COL5A3: variants seen among roughly 807,000 people sequenced by gnomAD.
The protein encoded by COL5A3 is collagen type V alpha 3 chain.
In COL5A3, 172 loss-of-function variants were observed where a neutral mutation model predicts 250.0. The observed-to-expected ratio is 0.69, with a 90% confidence interval of 0.61 to 0.78. The LOEUF (loss-of-function observed/expected upper bound fraction) is 0.78. COL5A3 is among the 30% of genes least tolerant of loss of function. COL5A3 has a pLI of 0.00. For missense variants in COL5A3, 2,340 were observed against 2,334.4 expected (o/e 1.00, Z -0.05); for synonymous variants, 937 against 900.4 (o/e 1.04, Z -0.73).
intron 35 of COL5A3, 145 bp downstream of exon 35, chr19:9,980,503 A>G: frequency 8.5e-7 from 1 of 1,177,874 alleles, no homozygotes; most frequent in Non-Finnish European, 1.2e-6. Flanking sequence ...GTGGGACTAC[A>G]GGCGTGCACC....
At position 9,992,062 on chromosome 19, in the gene COL5A3, G is replaced by A. The variant is rs2087201262; in HGVS notation, c.1849-14C>T. 5.0e-6 allele frequency: 8 copies of A among 1,613,182 alleles called. No homozygotes were observed. In the African/African-American group the frequency reaches 6.7e-5, roughly 13 times the overall value. Reference sequence around the variant, plus strand: ...TCCAGTCACACCCTAGGGGAAAAGAGGATGTGAGACCAAGACAGAGCAACA... The same window carrying A: ...TCCAGTCACACCCTAGGGGAAAAGAAGATGTGAGACCAAGACAGAGCAACA... On this transcript the variant is annotated splice_polypyrimidine_tract_variant and intron_variant, in intron 21 of 66. Transcript: ENST00000264828.
intron 27 of COL5A3, among the ~76,000 whole-genome samples, chr19:9,987,485 C>A: frequency 6.6e-6 from 1 of 152,192 alleles, no homozygotes; most frequent in South Asian, 2.1e-4. Context: ...ACCTGTAATC[C>A]CAACATTTTG....
chr19:9,962,036 A>C (rs1028668736), intron 65 of COL5A3, among the ~76,000 whole-genome samples: 6 of 152,156 alleles, frequency 3.9e-5, no homozygotes. Context: ...TCAAATTGTG[A>C]TGTACTATAA....
Position 9,977,272 on chromosome 19 carries a change from C to A in COL5A3, c.3245G>T (p.Gly1082Val). 6.2e-7 allele frequency: 1 copy of A among 1,614,130 alleles called. No individual in the cohort carries two copies. Among genetic ancestry groups the A allele is most frequent in the Non-Finnish European group, 8.5e-7 (1 of 1,179,998 alleles). ...SGEEGDKGDV[G>V]APGHKGSKGD... ...TTTACTCCCCTTGTGTCCGGGGGCA[C>A]CCACATCCCCCTGCAGAGGAAATGG... Residue 1082 changes from glycine (G) to valine (V), a missense_variant, in exon 44 of 67, where the codon GGT becomes GTT. By Grantham distance (109) the Gly-to-Val change is moderately radical. Around this residue, in one of 3 missense-constraint regions of COL5A3, gnomAD observed 1,179 missense variants for 1,162.6 expected, o/e 1.01. Coordinates refer to ENST00000264828, the MANE Select transcript of COL5A3 (RefSeq NM_015719.4).
intron 53 of COL5A3, 54 bp from the exon 54 acceptor site, chr19:9,970,729 A>C: frequency 7.4e-7 from 1 of 1,355,186 alleles, no homozygotes; most frequent in Non-Finnish European, 9.6e-7. Context: ...TTTGAGCCTG[A>C]CTGTTTTAGG....
At chr19:9,998,996 CCTTT>C (rs749695549) in intron 8 of COL5A3, among the ~76,000 whole-genome samples, 25 of 148,566 alleles carry the variant, frequency 1.7e-4, no homozygotes, top group Admixed American at 6.6e-4. Context: ...TTCCTTCCTT[CCTTT>C]CTTTCTTTTC....
intron 8 of COL5A3, among the ~76,000 whole-genome samples, chr19:9,998,675 T>A (rs1055352894): frequency 6.7e-6 from 1 of 149,868 alleles, no homozygotes; most frequent in African/African-American, 2.5e-5. Context: ...TCTTTCCTTC[T>A]TCTTTTTCTT....
At chr19:10,004,177 G>A in intron 4 of COL5A3, 32 bp from the exon 5 acceptor site, 1 of 1,521,820 alleles carries the variant, frequency 6.6e-7, no homozygotes. Flanking sequence ...GTCAAGGAGG[G>A]CAGCCATACA....
At position 9,960,454 on chromosome 19, in the gene COL5A3, T is replaced by C; in HGVS notation, c.5195A>G (p.Gln1732Arg). The change falls in exon 67 of 67, where the codon CAA becomes CGA. Residue 1732 changes from glutamine (Q) to arginine (R), a missense_variant. Physicochemically the swap from Gln to Arg is conservative, Grantham distance 43. This residue lies in a region of COL5A3 where 1,179 missense variants were observed against 1,162.6 expected (regional missense o/e 1.01). Transcript: ENST00000264828. ...VAATDFGQTN[Q>R]KFGFELGPVC... The stretch of plus-strand genomic sequence containing the variant: ...GGGGCCCAGTTCAAACCCAAACTTT[T>C]GGTTCGTCTGGCCAAAGTCAGTGGC... 6.2e-7 allele frequency: 1 copy of C among 1,614,146 alleles called. No individual in the cohort carries two copies. The highest frequency in any genetic ancestry group is 8.5e-7 in the Non-Finnish European group (1 of 1,180,024).
At chr19:10,002,171 T>A (rs1599228481) in intron 6 of COL5A3, among the ~76,000 whole-genome samples, 1 of 151,852 alleles carries the variant, frequency 6.6e-6, no homozygotes, top group Admixed American at 6.6e-5. Flanking sequence ...CTAGCCCACA[T>A]GTCCTCTCCC....
At chr19:9,966,169 C>T in intron 64 of COL5A3, 145 bp downstream of exon 64, 1 of 661,574 alleles carries the variant, frequency 1.5e-6, no homozygotes, top group East Asian at 2.8e-5. Context: ...GTAGTCCCAG[C>T]TCTTGAGGCA....
intron 30 of COL5A3, 64 bp downstream of exon 30, chr19:9,986,251 G>C: frequency 8.7e-7 from 1 of 1,149,808 alleles, no homozygotes; most frequent in Non-Finnish European, 1.2e-6. Flanking sequence ...AAAGGGCAAA[G>C]GGCAGAGGGA....
At chr19:10,000,150 C>T (rs1235945482) in intron 8 of COL5A3, among the ~76,000 whole-genome samples, 3 of 152,074 alleles carry the variant, frequency 2.0e-5, no homozygotes, top group African/African-American at 7.2e-5. Flanking sequence ...GATGGTGCTT[C>T]GGAACAACAG....
intron 53 of COL5A3, 123 bp from the exon 54 acceptor site, chr19:9,970,798 C>T (rs945537712): frequency 5.8e-5 from 58 of 1,002,026 alleles, no homozygotes; most frequent in Non-Finnish European, 8.1e-5. Flanking sequence ...GGTACTCCCA[C>T]CTCCCACCTA....
chr19:9,998,007 G>A lies in COL5A3; in HGVS notation c.1177C>T (p.Pro393Ser), dbSNP rs764876408. The A allele has an allele frequency of 6.2e-7, 1 of 1,614,060 alleles. No individual in the cohort carries two copies. The highest frequency in any genetic ancestry group is 1.1e-5 in the South Asian group (1 of 91,076). Residue 393 changes from proline (P) to serine (S), a missense_variant, in exon 10 of 67, where the codon CCT becomes TCT. By Grantham distance (74) the Pro-to-Ser change is moderately conservative. This residue lies in a region of COL5A3 where 1,152 missense variants were observed against 1,146.3 expected (regional missense o/e 1.00). Coordinates refer to ENST00000264828, the MANE Select transcript of COL5A3 (RefSeq NM_015719.4). ...ACTTGGGGTCCTGGGGCTCCTGGAG[G>A]TCCCTCAAACTGCTGCCCCTGAAGG... ...VIEKGQQFEG[P>S]PGAPGPQGVV...
At chr19:10,001,303 T>C (rs1328090245) in intron 8 of COL5A3, among the ~76,000 whole-genome samples, 1 of 151,820 alleles carries the variant, frequency 6.6e-6, no homozygotes. Context: ...GCGCCACCGC[T>C]CCCAGCTAAT....
chr19:9,977,947 CATATATATATATATATAT>C (rs372091609), intron 41 of COL5A3, among the ~76,000 whole-genome samples: 26,118 of 106,194 alleles, frequency 0.25, 3,048 homozygotes, highest in East Asian at 0.28. Context: ...GCAGCCTATA[CATATATATATATATATAT>C]ATATATATAT....
In COL5A3 at chr19:9,971,273, G is replaced by A. The variant is rs754900726; in HGVS notation, c.3775-15C>T. On this transcript the variant is annotated splice_polypyrimidine_tract_variant and intron_variant, in intron 51 of 66. Coordinates refer to ENST00000264828, the MANE Select transcript of COL5A3 (RefSeq NM_015719.4). ...CCCGTGGGGCCCTGGAACACAGAAT[G>A]ATTAATAATCACATCTCTGAATTGT... 3.2e-6 allele frequency: 5 copies of A among 1,556,756 alleles called. No individual in the cohort carries two copies. The highest frequency in any genetic ancestry group is 4.3e-6 in the Non-Finnish European group (5 of 1,156,452).
chr19:9,995,963 G>A (rs777748836), intron 15 of COL5A3, 103 bp downstream of exon 15: 14 of 1,155,850 alleles, frequency 1.2e-5, no homozygotes, highest in Middle Eastern at 2.0e-4. Flanking sequence ...AATTGCAAGG[G>A]TATCCCCAGC....
Sources: gnomAD v4.1 joint callset for allele counts (sites outside exome capture counted in the v4.1 genomes callset) on GRCh38, gnomAD v4.1.1 for gene constraint, gnomAD v4.1.1 regional missense constraint, MANE v1.5 for transcripts, NCBI Gene and HGNC (gene_info 2026-07-23, HGNC 2026-07-21) for gene names.